CENPL: variants seen among roughly 807,000 people sequenced by gnomAD.
The protein encoded by CENPL is centromere protein L.
Under a neutral mutation model 35.2 loss-of-function variants are expected in CENPL, and 20 were observed. The ratio of observed to expected loss-of-function variants is 0.57; its 90% CI spans 0.40 to 0.83. The LOEUF is 0.83. Among genes scored for constraint, CENPL ranks in the 40% least tolerant of loss-of-function variants. CENPL has a pLI of 0.00. For missense variants in CENPL, 363 were observed against 395.8 expected, an observed-to-expected ratio of 0.92 and a Z score of 0.70; for synonymous variants, 140 against 140.6, an observed-to-expected ratio of 1.00 and a Z score of 0.03.
chr1:173,800,964 A>C (rs1203826208), intron 5 of CENPL, among the ~76,000 whole-genome samples: 1 of 152,080 alleles, frequency 6.6e-6, no homozygotes, highest in Non-Finnish European at 1.5e-5. Flanking sequence ...CTAAAACAAA[A>C]AACCCCTCAT....
At chr1:173,805,202 C>T (rs1279349774) in intron 4 of CENPL, among the ~76,000 whole-genome samples, 1 of 152,128 alleles carries the variant, frequency 6.6e-6, no homozygotes, top group Non-Finnish European at 1.5e-5. Context: ...TCTTGAGTAT[C>T]CATTTTTCCT....
chr1:173,815,421 GAT>G (rs1651264931), intron 2 of CENPL, among the ~76,000 whole-genome samples: 1 of 152,156 alleles, frequency 6.6e-6, no homozygotes, highest in Non-Finnish European at 1.5e-5. Context: ...GATGAACATG[GAT>G]GCAAAAATCC....
chr1:173,815,920 C>T (rs369670275), intron 2 of CENPL, among the ~76,000 whole-genome samples: 2 of 152,108 alleles, frequency 1.3e-5, no homozygotes, highest in African/African-American at 4.8e-5. Context: ...GATGACATGA[C>T]TGTATATTTA....
rs1650527174 is a variant in CENPL at position 173,808,916 on chromosome 1, G to T, written c.169-1398C>A. Among the ~76,000 whole-genome samples, 2 of 152,106 alleles carry T rather than the reference G, an allele frequency of 1.3e-5. 1 individual carries two copies. Among genetic ancestry groups the T allele is most frequent in the South Asian group, 4.1e-4 (2 of 4,832 alleles). On this transcript the variant is annotated intron_variant, in intron 3 of 5. Transcript: ENST00000682279. ...GATCTAATTAAACTAAAGGGCTTCT[G>T]CACAGCAAAAGAAACTATCAACAGA...
chr1:173,801,704 CA>C (rs1649767390), intron 5 of CENPL, among the ~76,000 whole-genome samples: 1 of 151,930 alleles, frequency 6.6e-6, no homozygotes, highest in South Asian at 2.1e-4. Flanking sequence ...CCTGTAGTCC[CA>C]GCTACTCGGG....
chr1:173,814,740 T>C (rs940095833), intron 2 of CENPL, among the ~76,000 whole-genome samples: 15 of 152,154 alleles, frequency 9.9e-5, no homozygotes, highest in African/African-American at 3.4e-4. Context: ...AGGAAAGATA[T>C]ACAACTGACA....
chr1:173,801,712 C>T (rs1276881579), intron 5 of CENPL, among the ~76,000 whole-genome samples: 1 of 151,870 alleles, frequency 6.6e-6, no homozygotes, highest in East Asian at 1.9e-4. Context: ...CCCAGCTACT[C>T]GGGAGACTGA....
intron 2 of CENPL, among the ~76,000 whole-genome samples, chr1:173,814,361 C>T (rs954415309): frequency 6.6e-6 from 1 of 152,146 alleles, no homozygotes; most frequent in Admixed American, 6.6e-5. Context: ...ACTCTCCACC[C>T]CAAATCAACA....
At chr1:173,821,236 C>T (rs559907633) in intron 2 of CENPL, among the ~76,000 whole-genome samples, 1 of 152,302 alleles carries the variant, frequency 6.6e-6, no homozygotes, top group Non-Finnish European at 1.5e-5. Context: ...GTAGATCATG[C>T]TCCCAGCTAA....
intron 2 of CENPL, among the ~76,000 whole-genome samples, chr1:173,816,453 C>G (rs1315338814): frequency 6.6e-6 from 1 of 152,164 alleles, no homozygotes; most frequent in Non-Finnish European, 1.5e-5. Flanking sequence ...GCCACAGTAA[C>G]CAAAACAGCA....
At position 173,800,504 on chromosome 1, in the gene CENPL, AT is replaced by A. The variant is rs1369583288; in HGVS notation, c.978del (p.Lys326AsnfsTer7). On this transcript the variant is annotated frameshift_variant, in exon 6 of 6. Transcript: ENST00000682279. LOFTEE classifies it high-confidence loss of function. ...AAATATGCTAACACTCCAATAAGGT[AT>A]TTATGACACAGAATCTGCAAAAAGA... ...TDGKIKILCHKYLIGVLAYLT... is the reference protein window; with the variant it reads ...TDGKIKILCHXYLIGVLAYLT... 2.1e-6 allele frequency: 3 copies of A among 1,460,880 alleles called. No homozygotes were observed. The highest frequency in any genetic ancestry group is 1.4e-5 in the African/African-American group (1 of 71,130). The allele number at this position is 1,460,880 out of a possible 1,614,324, so 90.5% of individuals were successfully genotyped here.
chr1:173,821,428 A>T (rs1396383096), intron 2 of CENPL, among the ~76,000 whole-genome samples: 2 of 152,214 alleles, frequency 1.3e-5, no homozygotes. Flanking sequence ...TTGACTCCTT[A>T]AAAGAGAAAT....
intron 4 of CENPL, 85 bp downstream of exon 4, chr1:173,807,182 G>C (rs1650309531): frequency 2.4e-6 from 3 of 1,256,878 alleles, no homozygotes; most frequent in Non-Finnish European, 3.1e-6. Flanking sequence ...AATTTTTTAA[G>C]TTGATTATAT....
chr1:173,817,922 C>T (rs1651565731), intron 2 of CENPL, among the ~76,000 whole-genome samples: 1 of 152,148 alleles, frequency 6.6e-6, no homozygotes, highest in African/African-American at 2.4e-5. Flanking sequence ...CCAAACGCCG[C>T]ATGTTCTCAC....
chr1:173,823,249 C>G (rs1163806340), intron 2 of CENPL: 1 of 152,324 alleles, frequency 6.6e-6, no homozygotes, highest in Non-Finnish European at 1.5e-5. Flanking sequence ...GAATTCCTGT[C>G]TGGCTTTCAA....
intron 2 of CENPL, 92 bp from the exon 3 acceptor site, chr1:173,811,398 TTC>T (rs1571962209): frequency 1.1e-6 from 1 of 889,736 alleles, no homozygotes; most frequent in Non-Finnish European, 1.7e-6. Flanking sequence ...AAGGAATCCT[TTC>T]TCTTTCTGTC....
intron 5 of CENPL, 94 bp downstream of exon 5, chr1:173,802,869 T>A: frequency 1.3e-6 from 1 of 799,568 alleles, no homozygotes; most frequent in Non-Finnish European, 2.0e-6. Context: ...TACATTCAAG[T>A]GTGTTTCTTC....
intron 2 of CENPL, among the ~76,000 whole-genome samples, chr1:173,815,416 A>ATAT (rs1651262919): frequency 6.6e-6 from 1 of 152,220 alleles, no homozygotes; most frequent in Non-Finnish European, 1.5e-5. Context: ...TCCCTGATGA[A>ATAT]CATGGATGCA....
chr1:173,816,609 G>T (rs1195325074), intron 2 of CENPL, among the ~76,000 whole-genome samples: 1 of 152,180 alleles, frequency 6.6e-6, no homozygotes, highest in Non-Finnish European at 1.5e-5. Context: ...AATAAATGGT[G>T]CTGGGAAAAC....
Sources: allele counts gnomAD v4.1 joint callset (sites outside exome capture counted in the v4.1 genomes callset), GRCh38; gene constraint gnomAD v4.1.1; transcripts MANE v1.5; gene names NCBI Gene and HGNC (gene_info 2026-07-23, HGNC 2026-07-21).